ARHGEF38: variants seen among roughly 807,000 people sequenced by gnomAD.
The protein encoded by ARHGEF38 is Rho guanine nucleotide exchange factor (GEF) 38.
ARHGEF38 carries 79 observed loss-of-function variants against 79.9 expected under a neutral mutation model. The observed-to-expected ratio is 0.99, with a 90% CI of 0.82 to 1.19. The LOEUF is 1.19. Among genes scored for constraint, ARHGEF38 ranks in the 50% most tolerant of loss-of-function variants. The pLI, the probability that ARHGEF38 is intolerant of heterozygous loss-of-function variation, is 0.00. For missense variants in ARHGEF38, 962 were observed against 907.2 expected, an observed-to-expected ratio of 1.06 and a Z score of -0.78; for synonymous variants, 366 against 328.3, an observed-to-expected ratio of 1.11 and a Z score of -1.24.
intron 1 of ARHGEF38, among the ~76,000 whole-genome samples, chr4:105,568,381 C>T (rs923644446): frequency 1.3e-5 from 2 of 151,444 alleles, no homozygotes; most frequent in Non-Finnish European, 2.9e-5. Context: ...AACACTTTTA[C>T]ACTGTTGGTG....
intron 3 of ARHGEF38, among the ~76,000 whole-genome samples, chr4:105,619,659 T>A (rs1728660402): frequency 6.6e-6 from 1 of 152,108 alleles, no homozygotes; most frequent in African/African-American, 2.4e-5. Context: ...CAAAAGGCTT[T>A]CTAAATGAGA....
intron 3 of ARHGEF38, among the ~76,000 whole-genome samples, chr4:105,625,458 T>A (rs1728906069): frequency 6.6e-6 from 1 of 152,242 alleles, no homozygotes; most frequent in Non-Finnish European, 1.5e-5. Flanking sequence ...GTTCTAGAGC[T>A]GTACGGCAGC....
At chr4:105,659,849 T>TTGTGTGTGTGTGTGTGTGTG (rs59465723) in intron 10 of ARHGEF38, among the ~76,000 whole-genome samples, 7 of 133,236 alleles carry the variant, frequency 5.3e-5, no homozygotes, top group African/African-American at 2.1e-4. Flanking sequence ...AAGCCTGGTT[T>TTGTGTGTGTGTGTGTGTGTG]TGTGTGTGTG....
At chr4:105,644,076 C>T (rs760058888) in intron 5 of ARHGEF38, among the ~76,000 whole-genome samples, 6 of 151,878 alleles carry the variant, frequency 4.0e-5, no homozygotes, top group Non-Finnish European at 8.8e-5. Flanking sequence ...CTATGTTGCC[C>T]AGGCTGGTCT....
At chr4:105,553,343 A>C (rs1029230168) in intron 1 of ARHGEF38, among the ~76,000 whole-genome samples, 1 of 152,190 alleles carries the variant, frequency 6.6e-6, no homozygotes, top group African/African-American at 2.4e-5. Context: ...ATGGGTAGAT[A>C]TGTGATATTA....
intron 5 of ARHGEF38, among the ~76,000 whole-genome samples, chr4:105,641,863 G>A (rs1729631749): frequency 6.6e-6 from 1 of 152,038 alleles, no homozygotes; most frequent in African/African-American, 2.4e-5. Flanking sequence ...GTGTTTACTT[G>A]ACTTTGTAAA....
chr4:105,567,118 G>A (rs771012248), intron 1 of ARHGEF38, among the ~76,000 whole-genome samples: 1 of 152,172 alleles, frequency 6.6e-6, no homozygotes, highest in Non-Finnish European at 1.5e-5. Flanking sequence ...AACATGCAAA[G>A]TTTGTCTTTC....
At chr4:105,628,044 A>T (rs1265082061) in intron 3 of ARHGEF38, among the ~76,000 whole-genome samples, 10 of 151,626 alleles carry the variant, frequency 6.6e-5, no homozygotes. Context: ...AAAAAAAAAG[A>T]TTCTTCTGTT....
rs375499919 is a variant in ARHGEF38, at chr4:105,589,436, G to T, written c.384+1G>T. 62 of 1,600,416 alleles carry T rather than the reference G, an allele frequency of 3.9e-5. No individual in the cohort carries two copies. The highest frequency in any genetic ancestry group is 4.9e-5 in the Non-Finnish European group (58 of 1,176,018). On this transcript the variant is annotated splice_donor_variant, in intron 2 of 13. Coordinates refer to ENST00000420470, the MANE Select transcript of ARHGEF38 (RefSeq NM_001242729.2). LOFTEE classifies it high-confidence loss of function. Reference sequence around the variant, plus strand: ...GGTTCAGCCCCTGAGAAATAAAAAGGTAAATATATATTTGAGATTTTTTTT... The same window carrying T: ...GGTTCAGCCCCTGAGAAATAAAAAGTTAAATATATATTTGAGATTTTTTTT...
At chr4:105,561,381 T>G in intron 1 of ARHGEF38, among the ~76,000 whole-genome samples, 1 of 81,984 alleles carries the variant, frequency 1.2e-5, no homozygotes, top group African/African-American at 4.6e-5. Flanking sequence ...CAGCCTGGAG[T>G]CTCAAAAATA....
intron 3 of ARHGEF38, among the ~76,000 whole-genome samples, chr4:105,624,322 T>A (rs1461069412): frequency 6.6e-6 from 1 of 152,222 alleles, no homozygotes; most frequent in African/African-American, 2.4e-5. Context: ...GCCACAGGCG[T>A]GAAATAATTT....
chr4:105,613,288 A>G lies in ARHGEF38; in HGVS notation c.385-96A>G, dbSNP rs1188592001. 4.3e-6 allele frequency: 6 copies of G among 1,391,428 alleles called. No individual in the cohort carries two copies. The African/African-American group carries it at 8.7e-5, about 20-fold the overall frequency. 86.2% of individuals were successfully genotyped at this position (1,391,428 alleles called of 1,614,324 possible). A position where few individuals can be genotyped will look rare whatever the true frequency, so the allele number is the denominator to read the frequency against. On this transcript the variant is annotated intron_variant, in intron 2 of 13. Transcript: ENST00000420470. ...GTTAACAGAAATGGTTAATGGAGAC[A>G]GCATGCGCTGGCATTTAAAATGCTT...
intron 2 of ARHGEF38, among the ~76,000 whole-genome samples, chr4:105,590,371 C>A (rs561742074): frequency 1.3e-5 from 2 of 152,144 alleles, no homozygotes; most frequent in East Asian, 3.9e-4. Context: ...AAAACAGAAG[C>A]TAGAAAGTGA....
At chr4:105,563,723 T>C (rs990653844) in intron 1 of ARHGEF38, among the ~76,000 whole-genome samples, 1 of 152,150 alleles carries the variant, frequency 6.6e-6, no homozygotes, top group African/African-American at 2.4e-5. Context: ...CAACTGATTT[T>C]AATAAACTTT....
chr4:105,639,273 C>A (rs1186032550), intron 5 of ARHGEF38, among the ~76,000 whole-genome samples: 1 of 151,912 alleles, frequency 6.6e-6, no homozygotes, highest in Non-Finnish European at 1.5e-5. Context: ...TTAATTAGTG[C>A]ATATTAACCT....
chr4:105,574,973 A>G (rs892146591), intron 1 of ARHGEF38, among the ~76,000 whole-genome samples: 1 of 146,866 alleles, frequency 6.8e-6, no homozygotes, highest in African/African-American at 2.5e-5. Context: ...ACACATATAT[A>G]TAGCATATAT....
intron 8 of ARHGEF38, among the ~76,000 whole-genome samples, chr4:105,655,105 T>C (rs1260433250): frequency 6.6e-6 from 1 of 152,174 alleles, no homozygotes; most frequent in African/African-American, 2.4e-5. Context: ...AAAACAGTTA[T>C]AACAGCCAGA....
chr4:105,668,969 C>T (rs973298985), intron 13 of ARHGEF38, among the ~76,000 whole-genome samples: 8 of 152,034 alleles, frequency 5.3e-5, no homozygotes, highest in Non-Finnish European at 1.0e-4. Flanking sequence ...TTGCACAAGC[C>T]GGGGCGGTTG....
At chr4:105,632,869 T>C (rs557107225) in intron 4 of ARHGEF38, 23 of 152,594 alleles carry the variant, frequency 1.5e-4, no homozygotes, top group African/African-American at 5.1e-4. Flanking sequence ...AACATCAGTT[T>C]ACTATTCATT....
Sources: gnomAD v4.1 joint callset for allele counts (sites outside exome capture counted in the v4.1 genomes callset) on GRCh38, gnomAD v4.1.1 for gene constraint, MANE v1.5 for transcripts, NCBI Gene and HGNC (gene_info 2026-07-23, HGNC 2026-07-21) for gene names.